The following PKP4 variants were observed in gnomAD, a reference collection of about 807,000 sequenced individuals.
PKP4 encodes plakophilin-4.
Under a neutral mutation model 145.1 loss-of-function variants are expected in PKP4, and 90 were observed. That is an observed-to-expected ratio of 0.62 (90% confidence interval 0.52 to 0.74). The LOEUF (loss-of-function observed/expected upper bound fraction) is 0.74. Ranked by LOEUF, PKP4 falls within the 30% of genes least tolerant of loss-of-function variation. The pLI is 0.00. For missense variants in PKP4, 1,340 were observed against 1,482.7 expected (o/e 0.90, Z 1.58); for synonymous variants, 563 against 577.2 (o/e 0.98, Z 0.35).
At chr2:158,484,149 G>A (rs1440023339) in intron 1 of PKP4, among the ~76,000 whole-genome samples, 5 of 150,236 alleles carry the variant, frequency 3.3e-5, no homozygotes, top group South Asian at 2.1e-4. Context: ...CCGGGTTCAC[G>A]CCATTCTCCT....
intron 1 of PKP4, chr2:158,458,047 T>C (rs1470434537): frequency 6.6e-6 from 1 of 152,552 alleles, no homozygotes; most frequent in South Asian, 2.1e-4. Context: ...TTTGGCTGCG[T>C]GTTGGCTGAG....
chr2:158,640,602 C>A (rs1191662718), intron 9 of PKP4, 25 bp from the exon 10 acceptor site: 7 of 1,608,954 alleles, frequency 4.4e-6, no homozygotes, highest in Non-Finnish European at 5.9e-6. Context: ...GCCTTCCTTT[C>A]TGAAGCCATG....
At chr2:158,661,277 G>A (rs748891493) in intron 12 of PKP4, 56 bp from the exon 13 acceptor site, 42 of 1,273,992 alleles carry the variant, frequency 3.3e-5, no homozygotes, top group Admixed American at 1.2e-4. Flanking sequence ...TTAAGTCCAC[G>A]TGGCTGATGA....
intron 1 of PKP4, among the ~76,000 whole-genome samples, chr2:158,490,442 A>G (rs1694782275): frequency 6.6e-6 from 1 of 152,192 alleles, no homozygotes; most frequent in South Asian, 2.1e-4. Context: ...GCATAAGTAA[A>G]GTCGATGAAT....
chr2:158,468,393 A>T (rs1690993812), intron 1 of PKP4, among the ~76,000 whole-genome samples: 2 of 152,176 alleles, frequency 1.3e-5, no homozygotes, highest in African/African-American at 4.8e-5. Context: ...AACCCCATTG[A>T]TTTTAAGTAG....
intron 1 of PKP4, among the ~76,000 whole-genome samples, chr2:158,493,903 C>A (rs1421216452): frequency 3.3e-5 from 5 of 152,132 alleles, no homozygotes; most frequent in Non-Finnish European, 7.4e-5. Context: ...AGTCTTCTTT[C>A]ATTCTCCAGT....
chr2:158,611,249 A>G (rs976009895), intron 4 of PKP4, among the ~76,000 whole-genome samples: 5 of 152,232 alleles, frequency 3.3e-5, no homozygotes, highest in African/African-American at 1.2e-4. Context: ...TGCTGCATTC[A>G]TTTATTGTAT....
chr2:158,532,755 C>T (rs115494098), intron 1 of PKP4, among the ~76,000 whole-genome samples: 1 of 152,238 alleles, frequency 6.6e-6, no homozygotes, highest in South Asian at 2.1e-4. Flanking sequence ...AGCTATAGGA[C>T]TCCACCAAGG....
At chr2:158,541,783 C>T (rs892758035) in intron 2 of PKP4, among the ~76,000 whole-genome samples, 6 of 151,986 alleles carry the variant, frequency 3.9e-5, no homozygotes, top group Non-Finnish European at 5.9e-5. Context: ...TATAAAGCAA[C>T]GCGGCATCAG....
Position 158,669,857 on chromosome 2 carries a change from C to G in PKP4, c.2866C>G (p.Leu956Val). The stretch of plus-strand genomic sequence containing the variant: ...CAAAAACATGGAGAACGCAAAAGCC[C>G]TGGCCGACTCAGGAGGCATAGAGAA... ...TSKNMENAKA[L>V]ADSGGIEKLV... The change falls in exon 17 of 22, where the codon CTG becomes GTG. Residue 956 changes from leucine to valine, a missense_variant. Coordinates refer to ENST00000389759, the MANE Select transcript of PKP4 (RefSeq NM_003628.6). The G allele has an allele frequency of 6.2e-7, 1 of 1,614,062 alleles. No homozygotes were observed. Among genetic ancestry groups the G allele is most frequent in the Non-Finnish European group, 8.5e-7 (1 of 1,179,902 alleles).
At position 158,673,944 on chromosome 2, in the gene PKP4, A is replaced by G. The variant is rs572372391; in HGVS notation, c.3071A>G (p.Lys1024Arg). The stretch of plus-strand genomic sequence containing the variant: ...TCGACATTGGAGCGAGACCGATTCA[A>G]ATCACATCCTTCCTTGTCTACCACC... ...PVSTLERDRF[K>R]SHPSLSTTNQ... The change falls in exon 19 of 22, where the codon AAA becomes AGA. Residue 1024 changes from lysine (K) to arginine (R), a missense_variant. By Grantham distance (26) the Lys-to-Arg change is conservative. Coordinates refer to ENST00000389759, the MANE Select transcript of PKP4 (RefSeq NM_003628.6). 7.4e-6 allele frequency: 12 copies of G among 1,613,648 alleles called. No individual in the cohort carries two copies. In the Admixed American group the frequency reaches 1.8e-4, roughly 25 times the overall value.
At chr2:158,532,655 A>G (rs1025601481) in intron 1 of PKP4, among the ~76,000 whole-genome samples, 4 of 152,060 alleles carry the variant, frequency 2.6e-5, no homozygotes, top group African/African-American at 7.2e-5. Flanking sequence ...ATCATAAGCT[A>G]TGGGCCTAAA....
chr2:158,490,539 C>T (rs1437109850), intron 1 of PKP4, among the ~76,000 whole-genome samples: 1 of 152,104 alleles, frequency 6.6e-6, no homozygotes, highest in Non-Finnish European at 1.5e-5. Context: ...GTAAGAATAG[C>T]TAATTTGTCA....
chr2:158,594,525 C>T (rs1479733848), intron 3 of PKP4, among the ~76,000 whole-genome samples: 3 of 152,082 alleles, frequency 2.0e-5, no homozygotes, highest in African/African-American at 4.8e-5. Flanking sequence ...AGGGGACTAA[C>T]GGCCATTCTG....
chr2:158,668,357 C>T (rs2057291649), intron 16 of PKP4, among the ~76,000 whole-genome samples: 1 of 152,158 alleles, frequency 6.6e-6, no homozygotes, highest in Non-Finnish European at 1.5e-5. Context: ...TCTTTTTTCA[C>T]ATTCATCATC....
At chr2:158,672,070 A>G (rs1377123035) in intron 17 of PKP4, among the ~76,000 whole-genome samples, 1 of 152,194 alleles carries the variant, frequency 6.6e-6, no homozygotes, top group Non-Finnish European at 1.5e-5. Context: ...GGCCCACCCC[A>G]GCGTGGTGAT....
intron 3 of PKP4, among the ~76,000 whole-genome samples, chr2:158,589,592 A>T (rs1022201609): frequency 1.3e-5 from 2 of 152,208 alleles, no homozygotes; most frequent in Non-Finnish European, 2.9e-5. Context: ...ACAAGAGGTC[A>T]TATAAATGTT....
At chr2:158,618,148 A>C (rs2051828219) in intron 4 of PKP4, among the ~76,000 whole-genome samples, 1 of 152,248 alleles carries the variant, frequency 6.6e-6, no homozygotes, top group African/African-American at 2.4e-5. Context: ...ATGCCACTGC[A>C]TTCCAGCCTG....
intron 1 of PKP4, among the ~76,000 whole-genome samples, chr2:158,507,722 A>G (rs1005350852): frequency 6.6e-6 from 1 of 152,106 alleles, no homozygotes; most frequent in Non-Finnish European, 1.5e-5. Flanking sequence ...TCTCTCACAC[A>G]TTTCAAAAGA....
Sources: allele counts gnomAD v4.1 joint callset (sites outside exome capture counted in the v4.1 genomes callset), GRCh38; gene constraint gnomAD v4.1.1; transcripts MANE v1.5; gene names NCBI Gene and HGNC (gene_info 2026-07-23, HGNC 2026-07-21).